FMN2: variants seen among roughly 807,000 people sequenced by gnomAD.
FMN2 encodes the protein formin 2, also known as formin-2.
FMN2 carries 51 observed loss-of-function variants against 142.3 expected under a neutral mutation model. The ratio of observed to expected loss-of-function variants is 0.36; its 90% CI spans 0.29 to 0.45. FMN2 has a LOEUF of 0.45. Ranked by LOEUF, FMN2 falls within the 20% of genes least tolerant of loss-of-function variation. FMN2 has a pLI of 1.00. For missense variants in FMN2, 1,936 were observed against 2,122.8 expected, an observed-to-expected ratio of 0.91 and a Z score of 1.73; for synonymous variants, 882 against 869.8, an observed-to-expected ratio of 1.01 and a Z score of -0.25.
At chr1:240,377,474 G>A (rs1168863028) in intron 14 of FMN2, among the ~76,000 whole-genome samples, 1 of 152,046 alleles carries the variant, frequency 6.6e-6, no homozygotes, top group Non-Finnish European at 1.5e-5. Flanking sequence ...ATTTCTTCAG[G>A]TCAGAAACTC....
At chr1:240,361,137 ATGTGTATATATATATATATATAT>A (rs1672455677) in intron 14 of FMN2, among the ~76,000 whole-genome samples, 3 of 121,208 alleles carry the variant, frequency 2.5e-5, no homozygotes, top group South Asian at 2.6e-4. Context: ...AAATAAATAT[ATGTGTATATATATATATATATAT>A]ATATATATAT....
chr1:240,143,585 A>G lies in FMN2; in HGVS notation c.1782+20240A>G, dbSNP rs143428411. 6.6e-4 allele frequency: 1,062 copies of G among 1,607,064 alleles called. 6 individuals carry two copies. In the African/African-American group the frequency reaches 0.01, roughly 16 times the overall value. On this transcript the variant is annotated intron_variant, in intron 2 of 17. Transcript: ENST00000319653. ...TTCAGCACATTCCCAGAGCCTGCCTATGCACACACATCTACCAGTGTGTTG... is the reference window on the plus strand; with the variant it reads ...TTCAGCACATTCCCAGAGCCTGCCTGTGCACACACATCTACCAGTGTGTTG...
intron 1 of FMN2, among the ~76,000 whole-genome samples, chr1:240,107,737 T>C (rs900872336): frequency 6.6e-6 from 1 of 151,738 alleles, no homozygotes; most frequent in African/African-American, 2.4e-5. Flanking sequence ...GGATAGTGTC[T>C]TTTTCTCTCT....
rs72767953 is a variant in FMN2, at chr1:240,412,524, C to G, written c.4910+19962C>G. The stretch of plus-strand genomic sequence containing the variant: ...TGAAGGCCATAACTGGAGAGAAAAT[C>G]TGCCTTGTAGGGTAGACAATTATTG... On this transcript the variant is annotated intron_variant, in intron 15 of 17. Transcript: ENST00000319653. Among the ~76,000 whole-genome samples the G allele has an allele frequency of 5.7e-3, 870 of 152,228 alleles. 2 individuals carry two copies. The highest frequency in any genetic ancestry group is 9.4e-3 in the Non-Finnish European group (637 of 68,008).
At chr1:240,242,425 A>G (rs1352547578) in intron 6 of FMN2, among the ~76,000 whole-genome samples, 1 of 152,168 alleles carries the variant, frequency 6.6e-6, no homozygotes, top group African/African-American at 2.4e-5. Context: ...TCTCGCTTCT[A>G]GTTTGTTAGA....
intron 2 of FMN2, among the ~76,000 whole-genome samples, chr1:240,173,385 T>C (rs1425962483): frequency 6.6e-6 from 1 of 152,194 alleles, no homozygotes; most frequent in African/African-American, 2.4e-5. Flanking sequence ...GCCACTGTTT[T>C]GGATAGTACA....
intron 6 of FMN2, among the ~76,000 whole-genome samples, chr1:240,234,768 T>C (rs1245531194): frequency 6.6e-6 from 1 of 152,326 alleles, no homozygotes; most frequent in East Asian, 1.9e-4. Context: ...CTGAGGAAAC[T>C]AAGGTTTATT....
rs1676845242 is a variant in FMN2 at position 240,472,515 on chromosome 1, A to G, written c.5142+62A>G. ...GGCTTTTAAATCCTATTTTCATAAT[A>G]TATACAAACTCATAATATTTTAATT... On this transcript the variant is annotated intron_variant, in intron 17 of 17. Transcript: ENST00000319653. 5 of 1,049,518 alleles carry G rather than the reference A, an allele frequency of 4.8e-6. 1 individual carries two copies. In the Admixed American group the frequency reaches 6.7e-5, roughly 14 times the overall value. The allele number at this position is 1,049,518 out of a possible 1,614,324, so 65.0% of individuals were successfully genotyped here. A position where few individuals can be genotyped will look rare whatever the true frequency, so the allele number is the denominator to read the frequency against.
At chr1:240,103,933 G>A (rs1021792182) in intron 1 of FMN2, among the ~76,000 whole-genome samples, 1 of 151,762 alleles carries the variant, frequency 6.6e-6, no homozygotes, top group Non-Finnish European at 1.5e-5. Context: ...CTGGAGTGCA[G>A]TGGTGCGATC....
At chr1:240,248,722 A>T (rs916086870) in intron 6 of FMN2, among the ~76,000 whole-genome samples, 1 of 151,836 alleles carries the variant, frequency 6.6e-6, no homozygotes, top group African/African-American at 2.4e-5. Flanking sequence ...TTTTATTCAC[A>T]TCCTTGCCAG....
chr1:240,138,912 A>G (rs1295243792), intron 2 of FMN2, among the ~76,000 whole-genome samples: 1 of 152,234 alleles, frequency 6.6e-6, no homozygotes, highest in Non-Finnish European at 1.5e-5. Context: ...TTGGGATTAA[A>G]TAAAAGGCAG....
At chr1:240,270,492 G>A (rs918980453) in intron 7 of FMN2, among the ~76,000 whole-genome samples, 1 of 151,962 alleles carries the variant, frequency 6.6e-6, no homozygotes, top group South Asian at 2.1e-4. Flanking sequence ...AACCTCATTG[G>A]CTTCAGTAGT....
At chr1:240,420,269 C>G (rs1674717755) in intron 15 of FMN2, among the ~76,000 whole-genome samples, 2 of 152,160 alleles carry the variant, frequency 1.3e-5, no homozygotes, top group Admixed American at 1.3e-4. Flanking sequence ...ACAATGCATG[C>G]TGGTGTGCCT....
At chr1:240,144,642 A>G in intron 2 of FMN2, 1 of 1,285,580 alleles carries the variant, frequency 7.8e-7, no homozygotes, top group Non-Finnish European at 1.1e-6. Flanking sequence ...AGTAGGACTG[A>G]GTTCTCAGGC....
chr1:240,180,133 A>T, intron 3 of FMN2: 1 of 1,257,540 alleles, frequency 8.0e-7, no homozygotes. Context: ...TTTTAATGAA[A>T]TAACTTGTCT....
intron 1 of FMN2, among the ~76,000 whole-genome samples, chr1:240,101,922 C>A (rs1404327001): frequency 6.6e-6 from 1 of 152,066 alleles, no homozygotes; most frequent in Non-Finnish European, 1.5e-5. Flanking sequence ...ACAAAATATA[C>A]TGAGTCATTA....
At chr1:240,259,264 G>A (rs1365379143) in intron 7 of FMN2, among the ~76,000 whole-genome samples, 4 of 152,078 alleles carry the variant, frequency 2.6e-5, no homozygotes, top group East Asian at 3.9e-4. Context: ...TATTCAACTC[G>A]GGTTGAGTTG....
chr1:240,109,948 T>C (rs1309059357), intron 1 of FMN2, among the ~76,000 whole-genome samples: 4 of 152,174 alleles, frequency 2.6e-5, no homozygotes, highest in Admixed American at 2.0e-4. Context: ...CTTTGGGATA[T>C]GACGGACTCC....
At chr1:240,217,528 T>C (rs1243637734) in intron 6 of FMN2, among the ~76,000 whole-genome samples, 1 of 152,218 alleles carries the variant, frequency 6.6e-6, no homozygotes, top group Non-Finnish European at 1.5e-5. Flanking sequence ...TAACATCTGC[T>C]TTTAATAGAA....
Sources: allele counts gnomAD v4.1 joint callset (sites outside exome capture counted in the v4.1 genomes callset), GRCh38; gene constraint gnomAD v4.1.1; transcripts MANE v1.5; gene names NCBI Gene and HGNC (gene_info 2026-07-23, HGNC 2026-07-21).